The following ANKS1B variants were observed in gnomAD, a reference collection of about 807,000 sequenced individuals.
ANKS1B encodes ankyrin repeat and sterile alpha motif domain-containing protein 1B.
ANKS1B carries 36 observed loss-of-function variants against 148.3 expected under a neutral mutation model. The ratio of observed to expected loss-of-function variants is 0.24; its 90% CI spans 0.19 to 0.32. ANKS1B has a LOEUF of 0.32. Ranked by LOEUF, ANKS1B falls within the 10% of genes least tolerant of loss-of-function variation. The pLI is 1.00. For missense variants in ANKS1B, 1,157 were observed against 1,542.6 expected, an observed-to-expected ratio of 0.75 and a Z score of 4.19; for synonymous variants, 542 against 560.8, an observed-to-expected ratio of 0.97 and a Z score of 0.47.
At chr12:99,833,757 G>A (rs1388118525) in intron 1 of ANKS1B, among the ~76,000 whole-genome samples, 1 of 152,078 alleles carries the variant, frequency 6.6e-6, no homozygotes, top group South Asian at 2.1e-4. Flanking sequence ...CAAATATTTT[G>A]TAAGAGAAGA....
At position 98,745,757 on chromosome 12, in the gene ANKS1B, A is replaced by G. The variant is rs1209349200; in HGVS notation, c.3840T>C (p.Tyr1280=). Residue 1280 remains tyrosine (Y), a synonymous_variant, in exon 27 of 27, where the codon TAT becomes TAC. Coordinates refer to ENST00000683438, the MANE Select transcript of ANKS1B (RefSeq NM_001352186.2). ...QEAKRGINTK[Y]ETTIF ...GCGAGTATCAGAAAATCGTGGTTTC[A>G]TACTTGGTATTAATGCCCCTCTTGG... 2 of 1,613,712 alleles carry G rather than the reference A, an allele frequency of 1.2e-6. No homozygotes were observed. The highest frequency in any genetic ancestry group is 2.2e-5 in the East Asian group (1 of 44,852).
In ANKS1B at chr12:99,404,971, C is replaced by T. The variant is rs375815692; in HGVS notation, c.1576-5160G>A. ...TTGGCAGCAGATTTCTCAGTAGAAA[C>T]TTTACATGCCAGGAAAGAGTGGCAT... On this transcript the variant is annotated intron_variant, in intron 11 of 26. Coordinates refer to ENST00000683438, the MANE Select transcript of ANKS1B (RefSeq NM_001352186.2). Among the ~76,000 whole-genome samples the T allele has an allele frequency of 4.1e-5, 6 of 146,182 alleles. 1 individual carries two copies. The highest frequency in any genetic ancestry group is 6.9e-3 in the Middle Eastern group (2 of 288).
downstream of ANKS1B, among the ~76,000 whole-genome samples, chr12:98,741,778 T>C (rs1412565603): frequency 6.6e-6 from 1 of 152,238 alleles, no homozygotes; most frequent in East Asian, 1.9e-4. Flanking sequence ...CATGCACTTT[T>C]GAGAATCAGA....
chr12:99,686,315 G>A (rs2153493049), intron 8 of ANKS1B, among the ~76,000 whole-genome samples: 1 of 152,162 alleles, frequency 6.6e-6, no homozygotes, highest in South Asian at 2.1e-4. Flanking sequence ...TCAATTATAG[G>A]CAGCCAGCTT....
At chr12:98,781,626 A>AC (rs937136552) in intron 23 of ANKS1B, 20 of 352,472 alleles carry the variant, frequency 5.7e-5, no homozygotes, top group Non-Finnish European at 8.8e-5. Flanking sequence ...AAATATATGC[A>AC]CCCCCCCTTT....
intron 17 of ANKS1B, among the ~76,000 whole-genome samples, chr12:98,880,567 C>T (rs181614525): frequency 6.6e-6 from 1 of 152,072 alleles, no homozygotes; most frequent in East Asian, 1.9e-4. Flanking sequence ...GAGATCGAGA[C>T]CATCCTGGCT....
intron 12 of ANKS1B, among the ~76,000 whole-genome samples, chr12:99,393,864 T>C (rs1302637095): frequency 1.3e-5 from 2 of 152,178 alleles, no homozygotes; most frequent in East Asian, 1.9e-4. Context: ...TATGGTTAAA[T>C]ATTACACTCC....
chr12:99,687,068 C>G (rs187035155), intron 8 of ANKS1B, among the ~76,000 whole-genome samples: 2 of 152,096 alleles, frequency 1.3e-5, no homozygotes, highest in Non-Finnish European at 2.9e-5. Context: ...AAAGCTTTTA[C>G]CCTACCTTCA....
At chr12:99,579,497 TCAA>T (rs2097549891) in intron 9 of ANKS1B, among the ~76,000 whole-genome samples, 1 of 151,490 alleles carries the variant, frequency 6.6e-6, no homozygotes, top group African/African-American at 2.4e-5. Context: ...CATAACAAAA[TCAA>T]CAACAAAAAC....
intron 12 of ANKS1B, among the ~76,000 whole-genome samples, chr12:99,303,515 T>A (rs2154021803): frequency 6.6e-6 from 1 of 152,204 alleles, no homozygotes; most frequent in Non-Finnish European, 1.5e-5. Context: ...CCTGTACACA[T>A]CCTAGAGAGG....
At chr12:98,942,387 G>T (rs1486756202) in intron 17 of ANKS1B, among the ~76,000 whole-genome samples, 2 of 152,204 alleles carry the variant, frequency 1.3e-5, no homozygotes, top group Non-Finnish European at 2.9e-5. Context: ...AAGCTGAACA[G>T]GAGAAAGAGA....
At chr12:99,601,233 T>A (rs10745863) in intron 9 of ANKS1B, among the ~76,000 whole-genome samples, 104,031 of 151,918 alleles carry the variant, frequency 0.68, 36,333 homozygotes, top group African/African-American at 0.81. Context: ...AATATACATC[T>A]GCCTTTTATT....
chr12:99,272,811 G>A (rs1212231476), intron 12 of ANKS1B, among the ~76,000 whole-genome samples: 2 of 152,100 alleles, frequency 1.3e-5, no homozygotes, highest in Admixed American at 1.3e-4. Context: ...AGCATCATTT[G>A]AAGATATGCT....
intron 15 of ANKS1B, among the ~76,000 whole-genome samples, chr12:99,143,071 T>C (rs1189112173): frequency 1.3e-5 from 2 of 152,130 alleles, no homozygotes; most frequent in African/African-American, 4.8e-5. Context: ...TTTCAAGATC[T>C]CCCTTAAGAC....
chr12:98,923,278 G>T (rs999557940), intron 17 of ANKS1B, among the ~76,000 whole-genome samples: 5 of 152,156 alleles, frequency 3.3e-5, no homozygotes, highest in Admixed American at 3.3e-4. Context: ...ACCATCAGTA[G>T]AAGCAGCATG....
intron 16 of ANKS1B, among the ~76,000 whole-genome samples, chr12:99,068,353 T>A (rs1233016730): frequency 6.6e-6 from 1 of 152,138 alleles, no homozygotes; most frequent in Non-Finnish European, 1.5e-5. Flanking sequence ...AAGCTATTGC[T>A]CCTAGTCTAT....
intron 17 of ANKS1B, among the ~76,000 whole-genome samples, chr12:98,907,845 G>T (rs534926528): frequency 5.3e-5 from 8 of 152,206 alleles, no homozygotes; most frequent in Non-Finnish European, 1.2e-4. Flanking sequence ...ATTTTATAAG[G>T]GGTTTCCACT....
chr12:99,367,740 T>C (rs2092849864), intron 12 of ANKS1B, among the ~76,000 whole-genome samples: 1 of 152,014 alleles, frequency 6.6e-6, no homozygotes, highest in Admixed American at 6.6e-5. Context: ...GGTCAGAATG[T>C]ATTAAGTGGA....
intron 17 of ANKS1B, among the ~76,000 whole-genome samples, chr12:98,910,026 C>T (rs1356832431): frequency 6.6e-6 from 1 of 152,196 alleles, no homozygotes; most frequent in Non-Finnish European, 1.5e-5. Context: ...AGCCTGTGGG[C>T]CACAGTTAGC....
Sources: gnomAD v4.1 joint callset for allele counts (sites outside exome capture counted in the v4.1 genomes callset) on GRCh38, gnomAD v4.1.1 for gene constraint, MANE v1.5 for transcripts, NCBI Gene and HGNC (gene_info 2026-07-23, HGNC 2026-07-21) for gene names.